The following CLN3 variants were observed in gnomAD, a reference collection of about 807,000 sequenced individuals.
The protein encoded by CLN3 is CLN3 lysosomal/endosomal transmembrane protein, battenin.
In CLN3, 49 loss-of-function variants were observed where a neutral mutation model predicts 60.7. The ratio of observed to expected loss-of-function variants is 0.81; its 90% CI spans 0.64 to 1.02. CLN3 has a LOEUF of 1.02. Among genes scored for constraint, CLN3 ranks in the 50% least tolerant of loss-of-function variants. CLN3 has a pLI of 0.00. For synonymous variants in CLN3, 256 were observed against 245.8 expected (o/e 1.04, Z -0.39); for missense variants, 516 against 557.4 (o/e 0.93, Z 0.75).
chr16:28,469,373 C>T (rs1349582775), downstream of CLN3, among the ~76,000 whole-genome samples: 98 of 120,886 alleles, frequency 8.1e-4, no homozygotes, highest in African/African-American at 2.5e-3. Context: ...CCGAGGCGGG[C>T]GGATCACCTG....
Position 28,477,354 on chromosome 16 carries a change from G to A in CLN3, c.*162C>T. On this transcript the variant is annotated 3_prime_UTR_variant, in exon 16 of 16. Transcript: ENST00000636147. ...CTCCCCAAGTGGGAGACAATGGCTG[G>A]CCCCCCTGCAAGGGAAACAAGGCTT... is the stretch of plus-strand genomic sequence containing the variant. 1 of 878,734 alleles carries A rather than the reference G, an allele frequency of 1.1e-6. No individual in the cohort carries two copies. The highest frequency in any genetic ancestry group is 1.4e-5 in the South Asian group (1 of 68,998). 54.4% of individuals were successfully genotyped at this position (878,734 alleles called of 1,614,324 possible). A position where few individuals can be genotyped will look rare whatever the true frequency, so the allele number is the denominator to read the frequency against.
At chr16:28,483,905 C>T (rs1198126239) in intron 10 of CLN3, 101 bp downstream of exon 10, 2 of 819,890 alleles carry the variant, frequency 2.4e-6, no homozygotes, top group African/African-American at 1.7e-5. Context: ...ATAACCAGTA[C>T]ACTCACTCTC....
In CLN3 at chr16:28,477,524, G is replaced by A. The variant is rs1085307617; in HGVS notation, c.1309C>T (p.Leu437Phe). 3 of 1,613,306 alleles carry A rather than the reference G, an allele frequency of 1.9e-6. No individual in the cohort carries two copies. The highest frequency in any genetic ancestry group is 1.3e-5 in the African/African-American group (1 of 74,932). ...CCTGAGGATCCCGAGTATCAGGAGA[G>A]CTGGCAGAGGAAGTCATGCAGAGGC... ...ALPLHDFLCQ[L>F]S Residue 437 changes from leucine (L) to phenylalanine (F), a missense_variant, in exon 16 of 16, where the codon CTC becomes TTC. Coordinates refer to ENST00000636147, the MANE Select transcript of CLN3 (RefSeq NM_001042432.2).
intron 1 of CLN3, 41 bp from the exon 2 acceptor site, chr16:28,491,876 C>T: frequency 7.4e-7 from 1 of 1,353,894 alleles, no homozygotes; most frequent in Non-Finnish European, 1.0e-6. Flanking sequence ...TTGCCGGTCC[C>T]AGCTCCGGCT....
intron 9 of CLN3, 89 bp downstream of exon 9, chr16:28,486,258 C>T: frequency 1.9e-6 from 3 of 1,562,116 alleles, no homozygotes; most frequent in African/African-American, 1.3e-5. Flanking sequence ...TCCCAAAGTG[C>T]TGGGATTACA....
Position 28,491,386 on chromosome 16 carries a change from G to A in CLN3, c.125+96C>T, listed in dbSNP as rs977210732. Reference sequence around the variant, plus strand: ...GATTCAGTAAATATTTGTGGGTTCAGCTCCTTTGCGCAGCTTAACTCTTTC... The same window carrying A: ...GATTCAGTAAATATTTGTGGGTTCAACTCCTTTGCGCAGCTTAACTCTTTC... On this transcript the variant is annotated intron_variant, in intron 3 of 15. Coordinates refer to ENST00000636147, the MANE Select transcript of CLN3 (RefSeq NM_001042432.2). 7.3e-6 allele frequency: 11 copies of A among 1,503,188 alleles called. No homozygotes were observed. The African/African-American group carries it at 1.5e-4, about 21-fold the overall frequency. 93.1% of individuals were successfully genotyped at this position (1,503,188 alleles called of 1,614,324 possible).
downstream of CLN3, among the ~76,000 whole-genome samples, chr16:28,472,800 C>CA (rs34795595): frequency 0.018 from 1,526 of 84,820 alleles, 20 homozygotes; most frequent in East Asian, 0.11. Flanking sequence ...AACTCTGTTT[C>CA]AAAAAAAAAA....
At chr16:28,470,919 C>CT (rs1297737114), downstream of CLN3, among the ~76,000 whole-genome samples, 2 of 110,222 alleles carry the variant, frequency 1.8e-5, no homozygotes, top group Non-Finnish European at 3.8e-5. Flanking sequence ...TGGGCCCTCC[C>CT]TTAGCAAACC....
Position 28,484,054 on chromosome 16 carries a change from C to CGCTCTCT in CLN3, c.735_741dup (p.Ala248ArgfsTer54), listed in dbSNP as rs1377518386. Reference sequence around the variant, plus strand: ...GTTCTTATGAGGGGCTGCCGGGCTGCGCTCTCTGCTTCTTCTTCCCCTCCA... The same window carrying CGCTCTCT: ...GTTCTTATGAGGGGCTGCCGGGCTGCGCTCTCTGCTCTCTGCTTCTTCTTCCCCTCCA... On this transcript the variant is annotated frameshift_variant, in exon 10 of 16. Coordinates refer to ENST00000636147, the MANE Select transcript of CLN3 (RefSeq NM_001042432.2). LOFTEE classifies it high-confidence loss of function. The CGCTCTCT allele has an allele frequency of 6.2e-7, 1 of 1,612,426 alleles. No homozygotes were observed. The highest frequency in any genetic ancestry group is 1.3e-5 in the African/African-American group (1 of 74,900).
chr16:28,483,642 G>A (rs1187415231), intron 10 of CLN3, among the ~76,000 whole-genome samples: 1 of 151,494 alleles, frequency 6.6e-6, no homozygotes, highest in African/African-American at 2.4e-5. Flanking sequence ...ACTTGTGATT[G>A]GAATGCCTGG....
the CLN3 span, among the ~76,000 whole-genome samples, chr16:28,468,522 AGGTGGGCCGGG>A: frequency 6.8e-6 from 1 of 146,410 alleles, no homozygotes; most frequent in Admixed American, 6.8e-5. Flanking sequence ...AAAATTAACA[AGGTGGGCCGGG>A]TGTGGTGGCT....
intron 9 of CLN3, 99 bp from the exon 10 acceptor site, chr16:28,484,217 G>T: frequency 1.2e-6 from 1 of 825,494 alleles, no homozygotes; most frequent in South Asian, 1.4e-5. Flanking sequence ...CTCTACCTTT[G>T]AACACTTTCA....
downstream of CLN3, chr16:28,474,107 C>T (rs554137309): frequency 6.6e-6 from 1 of 152,028 alleles, no homozygotes. Context: ...GTCTCCATAA[C>T]AAATACAAAA....
intron 14 of CLN3, among the ~76,000 whole-genome samples, chr16:28,478,950 G>A (rs995876578): frequency 1.6e-4 from 24 of 152,126 alleles, no homozygotes; most frequent in South Asian, 4.1e-4. Context: ...AGCTGGGCTC[G>A]AACTCCTGGT....
intron 4 of CLN3, 24 bp downstream of exon 4, chr16:28,489,266 T>C: frequency 6.4e-7 from 1 of 1,559,978 alleles, no homozygotes; most frequent in Non-Finnish European, 8.8e-7. Context: ...CTAACCATGG[T>C]GGTGGTGGTA....
At position 28,479,719 on chromosome 16, in the gene CLN3, A is replaced by G. The variant is rs760210706; in HGVS notation, c.1057-1842T>C. 1.4e-4 allele frequency: 27 copies of G among 198,574 alleles called. No individual in the cohort carries two copies. In the South Asian group the frequency reaches 1.5e-3, roughly 11 times the overall value. The allele number at this position is 198,574 out of a possible 1,614,324, so 12.3% of individuals were successfully genotyped here. A position where few individuals can be genotyped will look rare whatever the true frequency, so the allele number is the denominator to read the frequency against. ...GGGAGGCAGGGGTTGCAGTGAGCCA[A>G]GATTGCACCGCTACATTCCAGCCTG... On this transcript the variant is annotated intron_variant, in intron 14 of 15. Transcript: ENST00000636147.
At chr16:28,481,085 G>A (rs936794552) in intron 14 of CLN3, among the ~76,000 whole-genome samples, 1 of 152,090 alleles carries the variant, frequency 6.6e-6, no homozygotes, top group Non-Finnish European at 1.5e-5. Context: ...CAGCCTAGGC[G>A]ACAGAGGAAG....
At chr16:28,485,292 C>T (rs1260818764) in intron 9 of CLN3, among the ~76,000 whole-genome samples, 3 of 142,576 alleles carry the variant, frequency 2.1e-5, no homozygotes, top group South Asian at 2.5e-4. Context: ...TCAGGCCGGG[C>T]GCGGTGGCTC....
the CLN3 span, among the ~76,000 whole-genome samples, chr16:28,468,364 A>G: frequency 7.2e-6 from 1 of 139,620 alleles, no homozygotes; most frequent in Non-Finnish European, 1.6e-5. Context: ...CATTTATTAT[A>G]TATCACATGG....
Sources: allele counts gnomAD v4.1 joint callset (sites outside exome capture counted in the v4.1 genomes callset), GRCh38; gene constraint gnomAD v4.1.1; transcripts MANE v1.5; gene names NCBI Gene and HGNC (gene_info 2026-07-23, HGNC 2026-07-21).